The following RPS6KB2 variants were observed in gnomAD, a reference collection of about 807,000 sequenced individuals.
The protein encoded by RPS6KB2 is ribosomal protein S6 kinase beta-2.
RPS6KB2 carries 51 observed loss-of-function variants against 58.2 expected under a neutral mutation model. That is an observed-to-expected ratio of 0.88 (90% CI 0.70 to 1.11). The LOEUF is 1.11. Ranked by LOEUF, RPS6KB2 falls within the 50% of genes least tolerant of loss-of-function variation. The pLI is 0.00. For missense variants in RPS6KB2, 671 were observed against 655.8 expected (o/e 1.02, Z -0.25); for synonymous variants, 293 against 258.6 (o/e 1.13, Z -1.28).
chr11:67,435,178 G>C lies in RPS6KB2; in HGVS notation c.*9G>C. The C allele has an allele frequency of 6.4e-7, 1 of 1,554,958 alleles. No homozygotes were observed. Among genetic ancestry groups the C allele is most frequent in the Non-Finnish European group, 8.7e-7 (1 of 1,155,020 alleles). On this transcript the variant is annotated 3_prime_UTR_variant, in exon 15 of 15. Transcript: ENST00000312629. ...GGCGTCCAGGGCGCTAGGAAGCCGG[G>C]TGGGGGTGAGGGTAGCCCTTGAGCC...
chr11:67,431,620 T>C (rs1006549519), intron 5 of RPS6KB2, 105 bp downstream of exon 5: 35 of 1,203,942 alleles, frequency 2.9e-5, no homozygotes, highest in Non-Finnish European at 3.8e-5. Flanking sequence ...CTGTGGGGGT[T>C]GGCTAGGGGG....
At position 67,433,345 on chromosome 11, in the gene RPS6KB2, C is replaced by T. The variant is rs764033855; in HGVS notation, c.804C>T (p.Pro268=). The T allele has an allele frequency of 5.0e-6, 8 of 1,613,662 alleles. No individual in the cohort carries two copies. Among genetic ancestry groups the T allele is most frequent in the African/African-American group, 4.0e-5 (3 of 74,924 alleles). The change falls in exon 10 of 15, where the codon CCC becomes CCT. Residue 268 remains proline (P), a synonymous_variant. Transcript: ENST00000312629. ...TCACCTTCCTCCTCCTCCAGCCGCC[C>T]TTCACCGCAGAGAACCGGAAGAAAA... ...LMYDMLTGSP[P]FTAENRKKTM...
chr11:67,434,443 G>A lies in RPS6KB2; in HGVS notation c.1114G>A (p.Asp372Asn), dbSNP rs759500386. 3 of 1,612,996 alleles carry A rather than the reference G, an allele frequency of 1.9e-6. No homozygotes were observed. Among genetic ancestry groups the A allele is most frequent in the Non-Finnish European group, 2.5e-6 (3 of 1,180,002 alleles). The change falls in exon 13 of 15, where the codon GAT becomes AAT. Residue 372 changes from aspartate (D) to asparagine (N), a missense_variant. Coordinates refer to ENST00000312629, the MANE Select transcript of RPS6KB2 (RefSeq NM_003952.3). ...ACGGCAGACGCCGGTGGACAGTCCT[G>A]ATGACACAGCCCTCAGCGAGAGTGC... is the stretch of plus-strand genomic sequence containing the variant. ...FTRQTPVDSP[D>N]DTALSESANQ...
In RPS6KB2 at chr11:67,429,033, G is replaced by A. The variant is rs564437531; in HGVS notation, c.119+11G>A. The stretch of plus-strand genomic sequence containing the variant: ...GGCAGCTGGCCTAGAGTGAGTGAGG[G>A]TCGTGTTGGGGGAGGGGGGAATGGA... On this transcript the variant is annotated intron_variant, in intron 2 of 14. Transcript: ENST00000312629. 1 of 1,613,942 alleles carries A rather than the reference G, an allele frequency of 6.2e-7. No homozygotes were observed. The highest frequency in any genetic ancestry group is 8.5e-7 in the Non-Finnish European group (1 of 1,179,966).
intron 4 of RPS6KB2, 147 bp downstream of exon 4, chr11:67,429,742 G>T: frequency 1.5e-6 from 1 of 650,386 alleles, no homozygotes; most frequent in Non-Finnish European, 2.7e-6. Context: ...GATGTGTATT[G>T]TCTTGCAGTA....
Sources: gnomAD v4.1 joint callset for allele counts on GRCh38, gnomAD v4.1.1 for gene constraint, MANE v1.5 for transcripts, NCBI Gene and HGNC (gene_info 2026-07-23, HGNC 2026-07-21) for gene names.